Variants in RORA observed in about 807,000 individuals in gnomAD.
The protein encoded by RORA is RAR related orphan receptor A, also known as nuclear receptor ROR-alpha.
A neutral mutation model predicts 69.5 loss-of-function variants in RORA; 7 were observed. That is an observed-to-expected ratio of 0.10 (90% CI 0.06 to 0.19). The LOEUF is 0.19. Ranked by LOEUF, RORA falls within the 10% of genes least tolerant of loss-of-function variation. RORA has a pLI of 1.00. For synonymous variants in RORA, 261 were observed against 240.8 expected (o/e 1.08, Z -0.78); for missense variants, 457 against 663.0 (o/e 0.69, Z 3.41).
At chr15:60,961,820 GC>G (rs1414230961) in intron 1 of RORA, among the ~76,000 whole-genome samples, 1 of 152,196 alleles carries the variant, frequency 6.6e-6, no homozygotes, top group African/African-American at 2.4e-5. Context: ...CTGAATGTAG[GC>G]ACAAAGCCCT....
intron 1 of RORA, among the ~76,000 whole-genome samples, chr15:61,146,226 C>T (rs1227670479): frequency 3.3e-5 from 5 of 152,148 alleles, no homozygotes; most frequent in Non-Finnish European, 5.9e-5. Flanking sequence ...ATTGCTTCTG[C>T]TCCACTGACA....
chr15:60,653,291 G>T (rs2070171629), intron 2 of RORA, among the ~76,000 whole-genome samples: 2 of 132,310 alleles, frequency 1.5e-5, no homozygotes, highest in African/African-American at 3.0e-5. Flanking sequence ...ATGTGTACAG[G>T]TGCATGCGTG....
At chr15:61,134,740 C>T (rs1253672686) in intron 1 of RORA, among the ~76,000 whole-genome samples, 1 of 152,104 alleles carries the variant, frequency 6.6e-6, no homozygotes, top group Non-Finnish European at 1.5e-5. Context: ...GCGCAGTATA[C>T]ATGACACAAG....
intron 1 of RORA, among the ~76,000 whole-genome samples, chr15:60,812,821 A>G (rs907978186): frequency 6.6e-6 from 1 of 152,198 alleles, no homozygotes; most frequent in African/African-American, 2.4e-5. Flanking sequence ...AGAGAGCTCT[A>G]ATGCAGTGTA....
intron 1 of RORA, among the ~76,000 whole-genome samples, chr15:60,948,033 GT>G (rs914026053): frequency 1.3e-5 from 2 of 152,180 alleles, no homozygotes; most frequent in African/African-American, 4.8e-5. Context: ...CTAAGCCATT[GT>G]TTTTTGGCAG....
Position 60,722,923 on chromosome 15 carries a change from C to A in RORA, c.167-44237G>T, listed in dbSNP as rs1263592313. 2.0e-5 allele frequency among the ~76,000 whole-genome samples: 3 copies of A among 152,136 alleles called. No homozygotes were observed. The East Asian group carries it at 5.8e-4, about 29-fold the overall frequency. On this transcript the variant is annotated intron_variant, in intron 1 of 10. Transcript: ENST00000335670. ...GGTCAGGGTGCAGTGAGTCAGGCAG[C>A]CAAAGTAATCCTGCAGGTGAGCATG...
chr15:61,218,709 C>CACACACACAA (rs1555421375), intron 1 of RORA, among the ~76,000 whole-genome samples: 1 of 151,158 alleles, frequency 6.6e-6, no homozygotes, highest in Non-Finnish European at 1.5e-5. Context: ...CACACACACA[C>CACACACACAA]AATTTCCTTC....
intron 1 of RORA, among the ~76,000 whole-genome samples, chr15:60,775,240 C>A (rs1296162996): frequency 6.6e-6 from 1 of 152,102 alleles, no homozygotes; most frequent in Non-Finnish European, 1.5e-5. Flanking sequence ...AGATTAGATT[C>A]CCCACCGAGC....
chr15:60,978,266 G>A (rs947049269), intron 1 of RORA, among the ~76,000 whole-genome samples: 10 of 152,106 alleles, frequency 6.6e-5, no homozygotes, highest in African/African-American at 2.2e-4. Flanking sequence ...TAATTTTCAT[G>A]TGTTCTTTCA....
intron 2 of RORA, among the ~76,000 whole-genome samples, chr15:60,668,530 G>A (rs999713627): frequency 9.2e-5 from 14 of 152,198 alleles, no homozygotes; most frequent in African/African-American, 3.4e-4. Context: ...TTATTAGGAA[G>A]TTTCACACAA....
At chr15:60,935,738 A>G (rs1235051649) in intron 1 of RORA, among the ~76,000 whole-genome samples, 1 of 152,224 alleles carries the variant, frequency 6.6e-6, no homozygotes, top group Non-Finnish European at 1.5e-5. Context: ...ATCAGACTCA[A>G]ATTGGCAGCT....
In RORA at chr15:61,055,566, G is replaced by A. The variant is rs187373332; in HGVS notation, c.166+173487C>T. 4.0e-4 allele frequency among the ~76,000 whole-genome samples: 61 copies of A among 152,280 alleles called. No homozygotes were observed. The Middle Eastern group carries it at 0.024, about 59-fold the overall frequency. Reference sequence around the variant, plus strand: ...TTTCGATGTTCAGGTCCTGTGCCAGGCCATTATTAGGCCCACCCTACAAAA... The same window carrying A: ...TTTCGATGTTCAGGTCCTGTGCCAGACCATTATTAGGCCCACCCTACAAAA... On this transcript the variant is annotated intron_variant, in intron 1 of 10. Coordinates refer to ENST00000335670, the MANE Select transcript of RORA (RefSeq NM_134261.3).
At chr15:61,161,814 G>A (rs963076205) in intron 1 of RORA, among the ~76,000 whole-genome samples, 9 of 151,992 alleles carry the variant, frequency 5.9e-5, no homozygotes, top group Non-Finnish European at 1.3e-4. Flanking sequence ...CCCCGTGAAG[G>A]CCACTTAAAA....
chr15:61,185,157 G>A (rs1319633848), intron 1 of RORA, among the ~76,000 whole-genome samples: 1 of 152,054 alleles, frequency 6.6e-6, no homozygotes, highest in African/African-American at 2.4e-5. Context: ...CCTTTTGCTT[G>A]TTGCAGAGAG....
chr15:60,601,147 G>A (rs1355069088), intron 2 of RORA: 2 of 152,132 alleles, frequency 1.3e-5, no homozygotes, highest in African/African-American at 4.8e-5. Flanking sequence ...GCATTACTTA[G>A]TATTTCAAAA....
chr15:60,544,725 C>G (rs2067015815), intron 2 of RORA: 2 of 152,022 alleles, frequency 1.3e-5, no homozygotes, highest in South Asian at 4.1e-4. Flanking sequence ...TGCCCTTTTG[C>G]TTTAAATCAA....
intron 2 of RORA, chr15:60,556,834 A>G: frequency 6.3e-7 from 1 of 1,577,740 alleles, no homozygotes; most frequent in South Asian, 1.1e-5. Flanking sequence ...TGCAAATTAC[A>G]GTGGATGTTT....
At chr15:60,913,694 T>C (rs1891793482) in intron 1 of RORA, among the ~76,000 whole-genome samples, 1 of 152,206 alleles carries the variant, frequency 6.6e-6, no homozygotes, top group Non-Finnish European at 1.5e-5. Context: ...GGTTAAAGAA[T>C]GGCTATGGGC....
intron 1 of RORA, among the ~76,000 whole-genome samples, chr15:61,069,819 A>AT (rs2078315644): frequency 6.6e-6 from 1 of 152,182 alleles, no homozygotes; most frequent in Admixed American, 6.5e-5. Context: ...CCGAAGATAG[A>AT]TTTAAAACGA....
Sources: gnomAD v4.1 joint callset for allele counts (sites outside exome capture counted in the v4.1 genomes callset) on GRCh38, gnomAD v4.1.1 for gene constraint, MANE v1.5 for transcripts, NCBI Gene and HGNC (gene_info 2026-07-23, HGNC 2026-07-21) for gene names.